ZNF385D: variants seen among roughly 807,000 people sequenced by gnomAD.
ZNF385D encodes the protein zinc finger protein 385D.
In ZNF385D, 15 loss-of-function variants were observed where a neutral mutation model predicts 35.8. The observed-to-expected ratio is 0.42, with a 90% CI of 0.28 to 0.64. The LOEUF is 0.64. Ranked by LOEUF, ZNF385D falls within the 30% of genes least tolerant of loss-of-function variation. ZNF385D has a pLI of 0.23. For missense variants in ZNF385D, 474 were observed against 494.6 expected, an observed-to-expected ratio of 0.96 and a Z score of 0.39; for synonymous variants, 212 against 186.8, an observed-to-expected ratio of 1.13 and a Z score of -1.10.
intron 2 of ZNF385D, among the ~76,000 whole-genome samples, chr3:22,307,746 TAAA>T (rs35316599): frequency 2.8e-5 from 4 of 144,554 alleles, no homozygotes; most frequent in East Asian, 2.0e-4. Flanking sequence ...GCCTCTGTTT[TAAA>T]AAAAAAAAAA....
At chr3:22,188,809 G>A (rs572059607) in intron 2 of ZNF385D, among the ~76,000 whole-genome samples, 1 of 152,208 alleles carries the variant, frequency 6.6e-6, no homozygotes, top group African/African-American at 2.4e-5. Context: ...CATGGTATTA[G>A]GAACTTTTTG....
intron 2 of ZNF385D, among the ~76,000 whole-genome samples, chr3:21,648,166 G>A (rs2125206628): frequency 6.6e-6 from 1 of 152,298 alleles, no homozygotes; most frequent in South Asian, 2.1e-4. Flanking sequence ...CCCAGTGGGA[G>A]TTGATTGGAT....
rs1225538383 is a variant in ZNF385D, at chr3:21,608,024, T to TTTTTTTTTGGTTTTTTTTC, written c.166-43341_166-43340insGAAAAAAAACCAAAAAAAA. Reference sequence around the variant, plus strand: ...AATTCTTTTTCTTCTTTTTTTTTTGTTTTTTTTTTTTGAGTCTTGCTGTCG... The same window carrying TTTTTTTTTGGTTTTTTTTC: ...AATTCTTTTTCTTCTTTTTTTTTTGTTTTTTTTTGGTTTTTTTTCTTTTTTTTTTTGAGTCTTGCTGTCG... On this transcript the variant is annotated intron_variant, in intron 2 of 7. Transcript: ENST00000281523. 1.6e-5 allele frequency among the ~76,000 whole-genome samples: 2 copies of TTTTTTTTTGGTTTTTTTTC among 128,586 alleles called. 1 individual carries two copies. The highest frequency in any genetic ancestry group is 5.7e-4 in the South Asian group (2 of 3,526). The allele number at this position is 128,586 out of a possible 152,430, so 84.4% of individuals were successfully genotyped here.
intron 2 of ZNF385D, among the ~76,000 whole-genome samples, chr3:21,664,031 T>C (rs2066324152): frequency 6.7e-6 from 1 of 150,082 alleles, no homozygotes; most frequent in African/African-American, 2.4e-5. Flanking sequence ...TTTGGTTGCA[T>C]TGACATGTCC....
intron 1 of ZNF385D, among the ~76,000 whole-genome samples, chr3:21,750,179 C>T (rs2069993422): frequency 6.6e-6 from 1 of 152,222 alleles, no homozygotes; most frequent in Non-Finnish European, 1.5e-5. Flanking sequence ...ATGCACAGCT[C>T]CAAGCCCACT....
At chr3:22,188,200 G>A (rs1279397012) in intron 2 of ZNF385D, among the ~76,000 whole-genome samples, 2 of 152,128 alleles carry the variant, frequency 1.3e-5, no homozygotes, top group South Asian at 2.1e-4. Flanking sequence ...CAAAGACAAA[G>A]CATTAGATTT....
chr3:21,980,830 T>C (rs763468531), intron 3 of ZNF385D, among the ~76,000 whole-genome samples: 3 of 152,184 alleles, frequency 2.0e-5, no homozygotes, highest in Admixed American at 6.5e-5. Context: ...GGTTTTCTGT[T>C]CTTGAGTTAG....
At chr3:22,308,644 A>G (rs1253028587) in intron 2 of ZNF385D, among the ~76,000 whole-genome samples, 1 of 152,030 alleles carries the variant, frequency 6.6e-6, no homozygotes, top group Non-Finnish European at 1.5e-5. Flanking sequence ...AAAAAGAGTT[A>G]CTGAGATTAG....
intron 3 of ZNF385D, among the ~76,000 whole-genome samples, chr3:22,074,932 C>G (rs181285887): frequency 1.3e-5 from 2 of 151,844 alleles, no homozygotes; most frequent in South Asian, 2.1e-4. Flanking sequence ...ACCAAGAAAC[C>G]TGAATCAGAA....
chr3:22,057,049 G>C (rs1699438875), intron 3 of ZNF385D, among the ~76,000 whole-genome samples: 1 of 152,196 alleles, frequency 6.6e-6, no homozygotes, highest in South Asian at 2.1e-4. Context: ...AAGTAAAACA[G>C]ATAAACAAAA....
chr3:21,460,403 T>A (rs2125310391), intron 4 of ZNF385D, among the ~76,000 whole-genome samples: 1 of 152,348 alleles, frequency 6.6e-6, no homozygotes, highest in Admixed American at 6.5e-5. Flanking sequence ...AGTGGGTGGA[T>A]AATGAATATT....
intron 2 of ZNF385D, among the ~76,000 whole-genome samples, chr3:22,263,169 A>T (rs1188882110): frequency 6.6e-6 from 1 of 151,916 alleles, no homozygotes; most frequent in Non-Finnish European, 1.5e-5. Context: ...TACCAACCAG[A>T]TTAAAAATAA....
At chr3:21,870,466 G>C (rs973491347) in intron 3 of ZNF385D, among the ~76,000 whole-genome samples, 1 of 152,124 alleles carries the variant, frequency 6.6e-6, no homozygotes, top group African/African-American at 2.4e-5. Context: ...AATCCTTGCG[G>C]CTACTTATCT....
chr3:22,162,443 G>GA (rs200969771), intron 3 of ZNF385D, among the ~76,000 whole-genome samples: 8,062 of 151,836 alleles, frequency 0.053, 691 homozygotes, highest in African/African-American at 0.18. Flanking sequence ...TTAACTCAAA[G>GA]AAAAAAAGAG....
intron 1 of ZNF385D, among the ~76,000 whole-genome samples, chr3:21,727,478 A>G (rs981495433): frequency 6.6e-6 from 1 of 152,200 alleles, no homozygotes; most frequent in African/African-American, 2.4e-5. Context: ...AATTTACAAG[A>G]AAAAAACAAC....
At chr3:21,457,620 C>G (rs913431735) in intron 4 of ZNF385D, among the ~76,000 whole-genome samples, 6 of 152,128 alleles carry the variant, frequency 3.9e-5, no homozygotes, top group African/African-American at 1.4e-4. Context: ...TCCCAAAGTG[C>G]TGGGATTACA....
intron 2 of ZNF385D, among the ~76,000 whole-genome samples, chr3:22,240,182 C>G (rs1406313731): frequency 5.8e-4 from 8 of 13,764 alleles, no homozygotes; most frequent in African/African-American, 5.5e-3. Flanking sequence ...GACCCTGTCT[C>G]CAAAAAAAAA....
At position 22,089,895 on chromosome 3, in the gene ZNF385D, G is replaced by A. The variant is rs141637208; in HGVS notation, c.325+78922C>T. Among the ~76,000 whole-genome samples the A allele has an allele frequency of 5.3e-5, 8 of 152,264 alleles. No homozygotes were observed. In the East Asian group the frequency reaches 1.5e-3, roughly 29 times the overall value. On this transcript the variant is annotated intron_variant, in intron 3 of 5. Coordinates refer to the ZNF385D transcript ENST00000494108. ...TCTGTGGTCAGGCTGGAGTGCTGCA[G>A]TGGCATGATCTTGGCTCACTGAAAC...
At position 22,010,282 on chromosome 3, in the gene ZNF385D, T is replaced by C. The variant is rs1475242245; in HGVS notation, c.325+158535A>G. ...TAGTACTTGTTGCTATAAACACCGA[T>C]GTCACAAGACTTGGAATACTTCGGA... On this transcript the variant is annotated intron_variant, in intron 3 of 5. Transcript: ENST00000494108. Among the ~76,000 whole-genome samples the C allele has an allele frequency of 5.3e-5, 8 of 152,332 alleles. No individual in the cohort carries two copies. The South Asian group carries it at 8.3e-4, about 16-fold the overall frequency.
Sources: gnomAD v4.1 joint callset for allele counts (sites outside exome capture counted in the v4.1 genomes callset) on GRCh38, gnomAD v4.1.1 for gene constraint, MANE v1.5 for transcripts, NCBI Gene and HGNC (gene_info 2026-07-23, HGNC 2026-07-21) for gene names.